Variants in KASH5 observed in about 807,000 individuals in gnomAD.
KASH5 encodes protein KASH5.
Under a neutral mutation model 84.2 loss-of-function variants are expected in KASH5, and 72 were observed. The ratio of observed to expected loss-of-function variants is 0.85; its 90% CI spans 0.71 to 1.04. KASH5 has a LOEUF of 1.04. KASH5 is among the 50% of genes least tolerant of loss of function. The probability of loss-of-function intolerance (pLI) is 0.00; values close to 1 mark genes in which losing one functional copy is unlikely to be tolerated. For missense variants in KASH5, 650 were observed against 701.0 expected, an observed-to-expected ratio of 0.93 and a Z score of 0.82; for synonymous variants, 260 against 279.1, an observed-to-expected ratio of 0.93 and a Z score of 0.68.
At position 49,399,850 on chromosome 19, in the gene KASH5, T is replaced by TG; in HGVS notation, c.798+344dup. Reference sequence around the variant, plus strand: ...TGTGAGACTTCAACCGAAGGATACTTGCAAAGTCTTGGGCACAAGGTAGGA... The same window carrying TG: ...TGTGAGACTTCAACCGAAGGATACTTGGCAAAGTCTTGGGCACAAGGTAGGA... On this transcript the variant is annotated intron_variant, in intron 9 of 19. Transcript: ENST00000447857. This position sits in a 1 kb window ranked among gnomAD's most constrained non-coding sequence, Gnocchi z 4.4. 1 of 392,224 alleles carries TG rather than the reference T, an allele frequency of 2.5e-6. No homozygotes were observed. The highest frequency in any genetic ancestry group is 4.2e-5 in the South Asian group (1 of 23,562). 24.3% of individuals were successfully genotyped at this position (392,224 alleles called of 1,614,324 possible).
At chr19:49,415,343 C>T (rs58877918) in intron 17 of KASH5, 5,286 of 368,190 alleles carry the variant, frequency 0.014, 180 homozygotes, top group African/African-American at 0.08. Flanking sequence ...GAGGTTGGGC[C>T]GGCCCTCCCC....
At chr19:49,411,154 G>A (rs2122211233) in intron 15 of KASH5, among the ~76,000 whole-genome samples, 1 of 150,326 alleles carries the variant, frequency 6.7e-6, no homozygotes, top group Non-Finnish European at 1.5e-5. Flanking sequence ...TGCCCAGTCT[G>A]GCTGAACTCC....
At chr19:49,393,027 A>C (rs1227202555) in intron 2 of KASH5, among the ~76,000 whole-genome samples, 4 of 152,144 alleles carry the variant, frequency 2.6e-5, no homozygotes, top group African/African-American at 9.7e-5. Context: ...GCATAGGTTC[A>C]AGACAGAGGG....
rs779522911 is a variant in KASH5, at chr19:49,408,952, C to A, written c.994-15C>A. On this transcript the variant is annotated splice_polypyrimidine_tract_variant and intron_variant, in intron 12 of 19. Coordinates refer to ENST00000447857, the MANE Select transcript of KASH5 (RefSeq NM_144688.5). ...AATGCAGAGCCAAATGTGCTCCCCA[C>A]TTCCTCCTTTGCAGGAACTGAGGCT... The A allele has an allele frequency of 2.5e-6, 4 of 1,570,280 alleles. No individual in the cohort carries two copies. The highest frequency in any genetic ancestry group is 3.5e-6 in the Non-Finnish European group (4 of 1,157,672).
chr19:49,395,806 GC>G lies in KASH5; in HGVS notation c.376del (p.Leu126Ter). 1 of 1,565,774 alleles carries G rather than the reference GC, an allele frequency of 6.4e-7. No individual in the cohort carries two copies. Among genetic ancestry groups the G allele is most frequent in the Non-Finnish European group, 8.7e-7 (1 of 1,155,168 alleles). ...GGAAGAGGAGACCGCCTTCCAGGGA[GC>G]CCTGACCTCCCGGCAACTGCCATCT... ...ELEEETAFQG[A>X]LTSRQLPSGC... On this transcript the variant is annotated frameshift_variant, in exon 5 of 20. Transcript: ENST00000447857. LOFTEE classifies it high-confidence loss of function. The surrounding 1 kb of genome is among the most constrained non-coding windows in gnomAD (Gnocchi z 4.4).
chr19:49,389,459 C>T (rs1016535868), intron 1 of KASH5: 1 of 152,504 alleles, frequency 6.6e-6, no homozygotes, highest in African/African-American at 2.4e-5. Context: ...GTCAGACCCC[C>T]GAGATCAACC....
At chr19:49,413,255 C>A (rs890184014) in intron 16 of KASH5, among the ~76,000 whole-genome samples, 1 of 152,174 alleles carries the variant, frequency 6.6e-6, no homozygotes, top group African/African-American at 2.4e-5. Context: ...GGGCTCCCAG[C>A]GAGGCTGCCA....
intron 2 of KASH5, among the ~76,000 whole-genome samples, chr19:49,392,318 G>T (rs748532557): frequency 3.4e-5 from 5 of 146,098 alleles, no homozygotes; most frequent in African/African-American, 7.6e-5. Flanking sequence ...GAGACAGGAC[G>T]TGGGGAAGAG....
chr19:49,393,682 CGTGT>C (rs34539350), intron 2 of KASH5: 5,600 of 142,458 alleles, frequency 0.039, 207 homozygotes, highest in African/African-American at 0.099. Flanking sequence ...GACCCCAGGA[CGTGT>C]GTGTGTGTGT....
At position 49,391,200 on chromosome 19, in the gene KASH5, A is replaced by C. The variant is rs371368066; in HGVS notation, c.43+274A>C. On this transcript the variant is annotated intron_variant, in intron 2 of 19. Coordinates refer to ENST00000447857, the MANE Select transcript of KASH5 (RefSeq NM_144688.5). ...CCTTACTCCATTCAGATCGCGGCCC[A>C]GATGGCACTTCTTACTTTATGTAAA... Among the ~76,000 whole-genome samples the C allele has an allele frequency of 3.3e-5, 5 of 152,180 alleles. No individual in the cohort carries two copies. In the East Asian group the frequency reaches 9.6e-4, roughly 29 times the overall value.
intron 9 of KASH5, 40 bp from the exon 10 acceptor site, chr19:49,406,846 A>G: frequency 1.3e-6 from 2 of 1,554,214 alleles, no homozygotes; most frequent in Non-Finnish European, 1.8e-6. Context: ...TGACATTACC[A>G]CTTGCTGGAA....
Position 49,414,924 on chromosome 19 carries a change from G to C in KASH5, c.1329-27G>C, listed in dbSNP as rs781396480. ...AGGGAACCAGGGAGAAGAGGACGAA[G>C]CCAGCAGTGACTTTGTTGGCCCTCA... is the stretch of plus-strand genomic sequence containing the variant. On this transcript the variant is annotated intron_variant, in intron 16 of 19. Coordinates refer to ENST00000447857, the MANE Select transcript of KASH5 (RefSeq NM_144688.5). The surrounding 1 kb of genome is among the most constrained non-coding windows in gnomAD (Gnocchi z 4.5). 12 of 1,608,418 alleles carry C rather than the reference G, an allele frequency of 7.5e-6. No individual in the cohort carries two copies. Among genetic ancestry groups the C allele is most frequent in the Non-Finnish European group, 1.0e-5 (12 of 1,177,692 alleles).
intron 9 of KASH5, among the ~76,000 whole-genome samples, chr19:49,403,503 C>T (rs1310020848): frequency 1.3e-5 from 2 of 152,232 alleles, no homozygotes; most frequent in East Asian, 3.8e-4. Flanking sequence ...ACGCCCCCAG[C>T]TGCAAAGGAG....
Position 49,412,398 on chromosome 19 carries a change from G to A in KASH5, c.1270-570G>A, listed in dbSNP as rs1295670381. On this transcript the variant is annotated intron_variant, in intron 15 of 19. Transcript: ENST00000447857. This position sits in a 1 kb window ranked among gnomAD's most constrained non-coding sequence, Gnocchi z 4.6. Reference sequence around the variant, plus strand: ...GACTTGGAACTTGTGACCTTGTGAGGTGAAATCTTGAGGGATGTCTGGGGG... The same window carrying A: ...GACTTGGAACTTGTGACCTTGTGAGATGAAATCTTGAGGGATGTCTGGGGG... Among the ~76,000 whole-genome samples the A allele has an allele frequency of 2.0e-5, 3 of 152,324 alleles. No homozygotes were observed. Among genetic ancestry groups the A allele is most frequent in the Non-Finnish European group, 2.9e-5 (2 of 68,030 alleles).
intron 6 of KASH5, 25 bp downstream of exon 6, chr19:49,397,742 G>A (rs761870236): frequency 6.2e-7 from 1 of 1,611,308 alleles, no homozygotes; most frequent in South Asian, 1.1e-5. Context: ...ACCCCTCCCT[G>A]ACCCTCCTGC....
chr19:49,409,463 A>C (rs1974641891), intron 14 of KASH5, among the ~76,000 whole-genome samples, 180 bp downstream of exon 14: 1 of 151,950 alleles, frequency 6.6e-6, no homozygotes. Context: ...ACCCACTGCC[A>C]GACCCAGGCC....
In KASH5 at chr19:49,398,031, A is replaced by C; in HGVS notation, c.517A>C (p.Asn173His). The C allele has an allele frequency of 1.2e-6, 2 of 1,613,948 alleles. No individual in the cohort carries two copies. The highest frequency in any genetic ancestry group is 1.7e-6 in the Non-Finnish European group (2 of 1,179,860). Reference protein sequence around the residue: ...LSSLEDLELSNRRLVGENAKL... With the variant: ...LSSLEDLELSHRRLVGENAKL... ...CAGCCTGGAGGACCTGGAGCTCAGCAACCGACGTCTGGTTGGGGAGAATGC... is the reference window on the plus strand; with the variant it reads ...CAGCCTGGAGGACCTGGAGCTCAGCCACCGACGTCTGGTTGGGGAGAATGC... The change falls in exon 7 of 20, where the codon AAC (asparagine) becomes CAC (histidine). Residue 173 changes from asparagine to histidine, a missense_variant. Asn to His is a moderately conservative substitution (Grantham distance 68). Coordinates refer to ENST00000447857, the MANE Select transcript of KASH5 (RefSeq NM_144688.5).
intron 9 of KASH5, among the ~76,000 whole-genome samples, chr19:49,401,534 G>A (rs1316870993): frequency 1.3e-5 from 2 of 152,120 alleles, no homozygotes; most frequent in East Asian, 1.9e-4. Context: ...TTCTCACACC[G>A]TGATGATTCT....
Position 49,414,355 on chromosome 19 carries a change from G to T in KASH5, c.1329-596G>T, listed in dbSNP as rs1384761664. Among the ~76,000 whole-genome samples the T allele has an allele frequency of 6.6e-6, 1 of 152,114 alleles. No individual in the cohort carries two copies. Among genetic ancestry groups the T allele is most frequent in the Non-Finnish European group, 1.5e-5 (1 of 68,006 alleles). On this transcript the variant is annotated intron_variant, in intron 16 of 19. Coordinates refer to ENST00000447857, the MANE Select transcript of KASH5 (RefSeq NM_144688.5). This position sits in a 1 kb window ranked among gnomAD's most constrained non-coding sequence, Gnocchi z 4.5. ...GGCATGGGGAAGAGCTCCAACAGTTGAGTTCTGTGGGCTGGGAGGTCTGAG... is the reference window on the plus strand; with the variant it reads ...GGCATGGGGAAGAGCTCCAACAGTTTAGTTCTGTGGGCTGGGAGGTCTGAG...
Sources: allele counts gnomAD v4.1 joint callset (sites outside exome capture counted in the v4.1 genomes callset), GRCh38; gene constraint gnomAD v4.1.1; non-coding constraint Gnocchi (gnomAD v3.1); transcripts MANE v1.5; gene names NCBI Gene and HGNC (gene_info 2026-07-23, HGNC 2026-07-21).